The following OR14A2 variants were observed in gnomAD, a reference collection of about 807,000 sequenced individuals.
The protein encoded by OR14A2 is olfactory receptor 14A2.
For synonymous variants in OR14A2, 114 were observed against 58.6 expected (o/e 1.95, Z -4.32); for missense variants, 237 against 152.9 (o/e 1.55, Z -2.90).
At chr1:247,725,384 C>G (rs910860345), upstream of OR14A2, among the ~76,000 whole-genome samples, 1 of 151,830 alleles carries the variant, frequency 6.6e-6, no homozygotes, top group African/African-American at 2.4e-5. Flanking sequence ...TAGCTTACTT[C>G]AATGGTCAGT....
chr1:247,723,431 T>A, exon 1 of OR14A2: 2 of 717,628 alleles, frequency 2.8e-6, no homozygotes, highest in Non-Finnish European at 5.2e-6. Flanking sequence ...CAAGAAATGC[T>A]TAAACATGCA....
the OR14A2 span, chr1:247,739,310 ATC>A: frequency 1.3e-6 from 1 of 780,670 alleles, no homozygotes; most frequent in East Asian, 2.4e-5. Context: ...GACAGAGACA[ATC>A]CAAAGCCTTT....
the OR14A2 span, among the ~76,000 whole-genome samples, chr1:247,741,027 A>T: frequency 6.6e-6 from 1 of 152,192 alleles, no homozygotes; most frequent in East Asian, 1.9e-4. Flanking sequence ...TAGCTTCCTC[A>T]TGAAATCTTC....
chr1:247,728,793 C>G (rs573432611), upstream of OR14A2, among the ~76,000 whole-genome samples: 1 of 152,150 alleles, frequency 6.6e-6, no homozygotes, highest in South Asian at 2.1e-4. Flanking sequence ...CACAGGATTA[C>G]TCATCAGATG....
At chr1:247,724,173 A>G (rs1660279888), upstream of OR14A2, 1 of 553,608 alleles carries the variant, frequency 1.8e-6, no homozygotes, top group African/African-American at 1.9e-5. Context: ...TTCAGTGGAA[A>G]GGAGTCATGT....
upstream of OR14A2, among the ~76,000 whole-genome samples, chr1:247,726,376 G>A (rs1204611665): frequency 0.014 from 1,924 of 139,556 alleles, 35 homozygotes; most frequent in African/African-American, 0.054. Context: ...TTTTGATGGG[G>A]TTGTTTGTTT....
chr1:247,725,488 T>C (rs1477436384), upstream of OR14A2, among the ~76,000 whole-genome samples: 2 of 117,450 alleles, frequency 1.7e-5, no homozygotes, highest in East Asian at 4.0e-4. Flanking sequence ...TACAAGATTT[T>C]ATTTATTTAT....
upstream of OR14A2, among the ~76,000 whole-genome samples, chr1:247,726,848 T>C (rs1236038534): frequency 3.2e-4 from 39 of 123,040 alleles, 1 homozygote; most frequent in Non-Finnish European, 4.9e-4. Context: ...GTTGTAGATA[T>C]GCGGCGTTAT....
chr1:247,730,260 C>A, the OR14A2 span, among the ~76,000 whole-genome samples: 2 of 152,116 alleles, frequency 1.3e-5, no homozygotes, highest in East Asian at 1.9e-4. Context: ...TGACACCAAA[C>A]TCAAATCGTT....
chr1:247,734,793 C>T, the OR14A2 span, among the ~76,000 whole-genome samples: 2 of 152,264 alleles, frequency 1.3e-5, no homozygotes, highest in African/African-American at 4.8e-5. Context: ...ACGTCAACTT[C>T]GCAATGAATG....
upstream of OR14A2, among the ~76,000 whole-genome samples, chr1:247,727,876 G>T (rs1382129013): frequency 6.8e-6 from 1 of 146,634 alleles, no homozygotes; most frequent in Non-Finnish European, 1.5e-5. Flanking sequence ...AAACCAGGAA[G>T]AAGTTGAATC....
chr1:247,733,166 T>G, the OR14A2 span, among the ~76,000 whole-genome samples: 1 of 152,182 alleles, frequency 6.6e-6, no homozygotes, highest in South Asian at 2.1e-4. Context: ...TTCTGTGGCT[T>G]TCGTTCCTAG....
the OR14A2 span, among the ~76,000 whole-genome samples, chr1:247,732,726 A>G: frequency 6.6e-6 from 1 of 152,224 alleles, no homozygotes; most frequent in African/African-American, 2.4e-5. Flanking sequence ...GAGTGGATAA[A>G]GTATACTTCA....
chr1:247,738,244 G>A, the OR14A2 span, among the ~76,000 whole-genome samples: 1,286 of 152,150 alleles, frequency 8.5e-3, 12 homozygotes, highest in African/African-American at 0.028. Flanking sequence ...TACATTAACC[G>A]GGATATTTAT....
At chr1:247,745,460 A>C in the OR14A2 span, among the ~76,000 whole-genome samples, 1 of 152,020 alleles carries the variant, frequency 6.6e-6, no homozygotes, top group Non-Finnish European at 1.5e-5. Context: ...AAAGGAGAGA[A>C]AAAAATCTTC....
the OR14A2 span, among the ~76,000 whole-genome samples, chr1:247,732,538 A>T: frequency 1.3e-5 from 2 of 151,850 alleles, no homozygotes; most frequent in Non-Finnish European, 2.9e-5. Flanking sequence ...TGGAAGTAAA[A>T]CCTCTCTTTT....
At chr1:247,730,039 A>C in the OR14A2 span, among the ~76,000 whole-genome samples, 1 of 152,106 alleles carries the variant, frequency 6.6e-6, no homozygotes, top group African/African-American at 2.4e-5. Context: ...GTAATAGTTT[A>C]TTCAATAATT....
exon 1 of OR14A2, chr1:247,723,699 GGCA>G: frequency 1.4e-6 from 1 of 718,626 alleles, no homozygotes; most frequent in Non-Finnish European, 2.6e-6. Context: ...CATAGGACAT[GGCA>G]GTGAGGATAA....
chr1:247,743,602 T>G, the OR14A2 span, among the ~76,000 whole-genome samples: 1 of 152,256 alleles, frequency 6.6e-6, no homozygotes, highest in Non-Finnish European at 1.5e-5. Context: ...TCATTCATAA[T>G]TAATGATTTT....
Sources: allele counts gnomAD v4.1 joint callset (sites outside exome capture counted in the v4.1 genomes callset), GRCh38; gene constraint gnomAD v4.1.1; transcripts MANE v1.5; gene names NCBI Gene and HGNC (gene_info 2026-07-23, HGNC 2026-07-21).